The following CCDC91 variants were observed in gnomAD, a reference collection of about 807,000 sequenced individuals.
CCDC91 encodes the protein coiled-coil domain-containing protein 91.
A neutral mutation model predicts 63.2 loss-of-function variants in CCDC91; 48 were observed. That is an observed-to-expected ratio of 0.76 (90% confidence interval 0.60 to 0.97). The LOEUF (loss-of-function observed/expected upper bound fraction) is 0.97. CCDC91 is among the 50% of genes least tolerant of loss of function. CCDC91 has a pLI of 0.00. For synonymous variants in CCDC91, 167 were observed against 165.8 expected (o/e 1.01, Z -0.06); for missense variants, 500 against 494.6 (o/e 1.01, Z -0.10).
chr12:28,212,582 A>G (rs896326004), intron 1 of CCDC91, among the ~76,000 whole-genome samples: 1 of 152,078 alleles, frequency 6.6e-6, no homozygotes, highest in Non-Finnish European at 1.5e-5. Context: ...ATCCACAAGG[A>G]CTCAGATATA....
intron 8 of CCDC91, among the ~76,000 whole-genome samples, chr12:28,446,163 C>T (rs1274273896): frequency 1.3e-5 from 2 of 152,116 alleles, no homozygotes; most frequent in African/African-American, 4.8e-5. Flanking sequence ...AAGTTTGGCT[C>T]ATAGCACCAC....
At position 28,391,358 on chromosome 12, in the gene CCDC91, A is replaced by G. The variant is rs146304266; in HGVS notation, c.709A>G (p.Ile237Val). 1,034 of 1,613,064 alleles carry G rather than the reference A, an allele frequency of 6.4e-4. No homozygotes were observed. The highest frequency in any genetic ancestry group is 8.2e-4 in the Non-Finnish European group (962 of 1,179,300). Residue 237 changes from isoleucine (I) to valine (V), a missense_variant, in exon 8 of 13, where the codon ATT (isoleucine) becomes GTT (valine). Ile to Val is a conservative substitution (Grantham distance 29, BLOSUM62 3). Coordinates refer to ENST00000536442, the MANE Select transcript of CCDC91 (RefSeq NM_018318.5). ...AGTAGAAGCTATTGAAAAACAGTAC[A>G]TTTCTGCAATTGAGAAACAGGCACA... ...QQVEAIEKQY[I>V]SAIEKQAHKC...
chr12:28,344,193 A>T (rs1416901327), intron 6 of CCDC91, among the ~76,000 whole-genome samples: 1 of 152,152 alleles, frequency 6.6e-6, no homozygotes, highest in African/African-American at 2.4e-5. Flanking sequence ...TGTAGTCACT[A>T]GCAAACTTAA....
At chr12:28,474,615 G>A (rs1364086477) in intron 11 of CCDC91, among the ~76,000 whole-genome samples, 2 of 151,996 alleles carry the variant, frequency 1.3e-5, no homozygotes, top group African/African-American at 4.8e-5. Flanking sequence ...TCTAAAGAGG[G>A]AAGATAGGGG....
chr12:28,533,080 G>A (rs917744200), intron 12 of CCDC91, among the ~76,000 whole-genome samples: 3 of 151,940 alleles, frequency 2.0e-5, no homozygotes, highest in Admixed American at 6.6e-5. Context: ...GCCCTATTTG[G>A]GCACTGTTGA....
intron 11 of CCDC91, among the ~76,000 whole-genome samples, chr12:28,464,361 A>G (rs1356491901): frequency 6.6e-6 from 1 of 152,214 alleles, no homozygotes; most frequent in Admixed American, 6.5e-5. Flanking sequence ...ATTAGCCAGG[A>G]TGGCTGAGGT....
chr12:28,441,727 C>CATATATATCTCATATATATATATCAT, intron 8 of CCDC91, among the ~76,000 whole-genome samples: 1 of 148,094 alleles, frequency 6.8e-6, no homozygotes, highest in South Asian at 2.1e-4. Context: ...TCATATATAT[C>CATATATATCTCATATATATATATCAT]ATATATCTCA....
At chr12:28,241,426 C>T (rs545745749) in intron 1 of CCDC91, among the ~76,000 whole-genome samples, 1 of 152,232 alleles carries the variant, frequency 6.6e-6, no homozygotes, top group South Asian at 2.1e-4. Flanking sequence ...TTCTGCCTTT[C>T]CCCCAAGTGG....
intron 6 of CCDC91, chr12:28,319,363 A>G (rs1400374035): frequency 6.6e-6 from 1 of 152,008 alleles, no homozygotes; most frequent in African/African-American, 2.4e-5. Flanking sequence ...TTAGATTCTC[A>G]TGATTCTGCA....
intron 12 of CCDC91, among the ~76,000 whole-genome samples, chr12:28,500,859 T>C (rs1937739494): frequency 6.6e-6 from 1 of 151,738 alleles, no homozygotes; most frequent in Non-Finnish European, 1.5e-5. Context: ...CATAATTTTA[T>C]TTTTATACTC....
At chr12:28,373,773 C>T (rs1944770241) in intron 7 of CCDC91, among the ~76,000 whole-genome samples, 1 of 152,082 alleles carries the variant, frequency 6.6e-6, no homozygotes, top group African/African-American at 2.4e-5. Flanking sequence ...CCCTACATGT[C>T]GTGACAGGGA....
intron 11 of CCDC91, among the ~76,000 whole-genome samples, chr12:28,473,523 A>G (rs180823392): frequency 9.3e-4 from 142 of 152,274 alleles, no homozygotes; most frequent in African/African-American, 3.2e-3. Flanking sequence ...ACTATTGTCA[A>G]TTGTTAACAC....
intron 1 of CCDC91, among the ~76,000 whole-genome samples, chr12:28,214,740 C>A (rs1468352721): frequency 1.3e-5 from 2 of 152,128 alleles, no homozygotes; most frequent in African/African-American, 2.4e-5. Context: ...CATTCAAAAT[C>A]TTTACTTCCT....
rs572301037 is a variant in CCDC91, at chr12:28,472,164, G to C, written c.1102-11888G>C. 1.1e-4 allele frequency among the ~76,000 whole-genome samples: 17 copies of C among 152,286 alleles called. No individual in the cohort carries two copies. The Middle Eastern group carries it at 0.01, about 92-fold the overall frequency. On this transcript the variant is annotated intron_variant, in intron 11 of 12. Coordinates refer to ENST00000536442, the MANE Select transcript of CCDC91 (RefSeq NM_018318.5). ...CTTAAACTAGTCTATTGGAGAATGG[G>C]AGACCACAGAAGGAAGAGACAAGCA...
intron 7 of CCDC91, among the ~76,000 whole-genome samples, chr12:28,368,078 C>T (rs983786650): frequency 3.9e-5 from 6 of 152,164 alleles, no homozygotes; most frequent in Non-Finnish European, 8.8e-5. Flanking sequence ...TGTATTTGTA[C>T]ATATATGGAT....
At chr12:28,250,175 T>C (rs1157724714) in intron 1 of CCDC91, among the ~76,000 whole-genome samples, 8 of 152,132 alleles carry the variant, frequency 5.3e-5, no homozygotes, top group African/African-American at 1.9e-4. Flanking sequence ...AAATGTCTTG[T>C]AGTTTTTATT....
intron 1 of CCDC91, among the ~76,000 whole-genome samples, chr12:28,204,281 A>G (rs2121520672): frequency 6.6e-6 from 1 of 152,210 alleles, no homozygotes; most frequent in East Asian, 1.9e-4. Flanking sequence ...TTTGTGTTTT[A>G]TTTAATTTAT....
intron 3 of CCDC91, among the ~76,000 whole-genome samples, chr12:28,272,271 A>G (rs1266668339): frequency 6.6e-6 from 1 of 152,030 alleles, no homozygotes; most frequent in Non-Finnish European, 1.5e-5. Flanking sequence ...TTGAATCTTT[A>G]GATTTAAGAA....
At chr12:28,428,574 C>CAAAAA (rs58423499) in intron 8 of CCDC91, among the ~76,000 whole-genome samples, 1 of 52,830 alleles carries the variant, frequency 1.9e-5, no homozygotes, top group African/African-American at 1.0e-4. Flanking sequence ...CGTCTCTCCC[C>CAAAAA]AAAAAAAAAA....
Sources: allele counts gnomAD v4.1 joint callset (sites outside exome capture counted in the v4.1 genomes callset), GRCh38; gene constraint gnomAD v4.1.1; transcripts MANE v1.5; gene names NCBI Gene and HGNC (gene_info 2026-07-23, HGNC 2026-07-21).